The following ADGRL3 variants were observed in gnomAD, a reference collection of about 807,000 sequenced individuals.
ADGRL3 encodes the protein adhesion G protein-coupled receptor L3, also known as calcium-independent alpha-latrotoxin receptor 3.
A neutral mutation model predicts 153.5 loss-of-function variants in ADGRL3; 62 were observed. The observed-to-expected ratio is 0.40, with a 90% CI of 0.33 to 0.50. The LOEUF is 0.50. ADGRL3 is among the 20% of genes least tolerant of loss of function. ADGRL3 has a pLI of 0.47. For synonymous variants in ADGRL3, 710 were observed against 672.5 expected (o/e 1.06, Z -0.86); for missense variants, 1,641 against 1,859.4 (o/e 0.88, Z 2.16).
chr4:61,718,031 T>C (rs1158439621), intron 6 of ADGRL3, among the ~76,000 whole-genome samples: 1 of 151,620 alleles, frequency 6.6e-6, no homozygotes, highest in East Asian at 1.9e-4. Context: ...TGTCTCAAAA[T>C]AAATAAATAA....
intron 9 of ADGRL3, among the ~76,000 whole-genome samples, chr4:61,815,124 C>T (rs1580964302): frequency 6.6e-6 from 1 of 151,918 alleles, no homozygotes; most frequent in East Asian, 1.9e-4. Context: ...ATAAGCGAAT[C>T]CCATGAAAGG....
At chr4:61,900,503 G>A (rs535018354) in intron 11 of ADGRL3, among the ~76,000 whole-genome samples, 12 of 152,114 alleles carry the variant, frequency 7.9e-5, no homozygotes, top group South Asian at 4.1e-4. Flanking sequence ...AATTTGTTGC[G>A]AATAAACTAG....
At chr4:61,900,241 T>G (rs1362822795) in intron 11 of ADGRL3, among the ~76,000 whole-genome samples, 1 of 152,192 alleles carries the variant, frequency 6.6e-6, no homozygotes, top group Non-Finnish European at 1.5e-5. Context: ...TGCACCAAGT[T>G]GCTGACTTTA....
At chr4:61,789,429 A>G (rs1227108986) in intron 8 of ADGRL3, among the ~76,000 whole-genome samples, 3 of 152,184 alleles carry the variant, frequency 2.0e-5, no homozygotes, top group South Asian at 2.1e-4. Context: ...GAGTAAAGCA[A>G]TTGCTTTGAG....
intron 8 of ADGRL3, among the ~76,000 whole-genome samples, chr4:61,739,020 T>G (rs1338303870): frequency 2.0e-5 from 3 of 152,180 alleles, no homozygotes; most frequent in African/African-American, 7.2e-5. Flanking sequence ...CTGCATGATA[T>G]TAAATGTAAA....
At chr4:61,375,288 G>A (rs1261148338) in intron 1 of ADGRL3, among the ~76,000 whole-genome samples, 3 of 152,094 alleles carry the variant, frequency 2.0e-5, no homozygotes, top group Non-Finnish European at 2.9e-5. Flanking sequence ...TTACCATGAA[G>A]AGAAAGTACA....
chr4:61,775,802 C>A, intron 8 of ADGRL3: 1 of 760,850 alleles, frequency 1.3e-6, no homozygotes. Context: ...TCCTGTAAAG[C>A]AGTATTAACG....
intron 6 of ADGRL3, among the ~76,000 whole-genome samples, chr4:61,703,206 G>C (rs2095799278): frequency 6.6e-6 from 1 of 152,038 alleles, no homozygotes; most frequent in African/African-American, 2.4e-5. Flanking sequence ...AGTAATTATA[G>C]TATCTATCTT....
intron 6 of ADGRL3, among the ~76,000 whole-genome samples, chr4:61,681,413 A>G (rs1480402877): frequency 2.0e-5 from 3 of 152,072 alleles, no homozygotes; most frequent in Admixed American, 2.0e-4. Context: ...ACAATAAAGC[A>G]TATATTACTT....
intron 23 of ADGRL3, among the ~76,000 whole-genome samples, chr4:62,032,979 A>T (rs981148402): frequency 6.6e-6 from 1 of 151,742 alleles, no homozygotes; most frequent in Non-Finnish European, 1.5e-5. Flanking sequence ...CTATAACAGG[A>T]TATTTAAAAA....
intron 5 of ADGRL3, among the ~76,000 whole-genome samples, chr4:61,612,691 C>A (rs543200814): frequency 2.0e-5 from 3 of 152,146 alleles, no homozygotes; most frequent in African/African-American, 7.2e-5. Flanking sequence ...TTGCTAAAAC[C>A]AAAAGTGATG....
chr4:61,599,869 T>A, intron 5 of ADGRL3, among the ~76,000 whole-genome samples: 1 of 152,220 alleles, frequency 6.6e-6, no homozygotes, highest in African/African-American at 2.4e-5. Context: ...CAACAGCTTT[T>A]ACTCCAAGTT....
In ADGRL3 at chr4:61,877,594, A is replaced by T. The variant is rs139094551; in HGVS notation, c.1481-15062A>T. ...TTGCTAAGGCTGCCATAACAAAGTAACAGGCACTGGCTGGCTTAAACAACA... is the reference window on the plus strand; with the variant it reads ...TTGCTAAGGCTGCCATAACAAAGTATCAGGCACTGGCTGGCTTAAACAACA... On this transcript the variant is annotated intron_variant, in intron 9 of 26. Coordinates refer to ENST00000683033, the MANE Select transcript of ADGRL3 (RefSeq NM_001387552.1). Among the ~76,000 whole-genome samples the T allele has an allele frequency of 3.6e-3, 543 of 152,308 alleles. 5 individuals are homozygous for T. The highest frequency in any genetic ancestry group is 0.013 in the African/African-American group (521 of 41,578).
chr4:61,501,530 G>A (rs1416653353), intron 3 of ADGRL3, among the ~76,000 whole-genome samples: 1 of 152,104 alleles, frequency 6.6e-6, no homozygotes. Flanking sequence ...TCAAACCTCA[G>A]TATCTATGTT....
At chr4:61,996,921 C>T (rs2099123658) in intron 20 of ADGRL3, among the ~76,000 whole-genome samples, 1 of 152,054 alleles carries the variant, frequency 6.6e-6, no homozygotes, top group African/African-American at 2.4e-5. Flanking sequence ...AATGGATTAA[C>T]TTAATTTAGA....
At chr4:61,662,937 G>A (rs549309031) in intron 5 of ADGRL3, among the ~76,000 whole-genome samples, 191 of 152,012 alleles carry the variant, frequency 1.3e-3, no homozygotes, top group Non-Finnish European at 2.3e-3. Flanking sequence ...ACCCACTGTG[G>A]GTCTCCTCTC....
chr4:61,370,836 A>T (rs1401119753), intron 1 of ADGRL3, among the ~76,000 whole-genome samples: 1 of 152,128 alleles, frequency 6.6e-6, no homozygotes, highest in African/African-American at 2.4e-5. Flanking sequence ...GGGATGTTAA[A>T]GTCTCCCATT....
intron 2 of ADGRL3, among the ~76,000 whole-genome samples, chr4:61,436,518 T>A (rs746168887): frequency 1.3e-5 from 2 of 152,148 alleles, no homozygotes; most frequent in Non-Finnish European, 2.9e-5. Context: ...GTTACAGAAA[T>A]GTGATAGTTC....
chr4:61,895,643 AT>A, intron 10 of ADGRL3, 87 bp from the exon 11 acceptor site: 1 of 686,268 alleles, frequency 1.5e-6, no homozygotes, highest in South Asian at 2.0e-5. Context: ...TAATTATCTC[AT>A]TTTTACCTTT....
Sources: allele counts gnomAD v4.1 joint callset (sites outside exome capture counted in the v4.1 genomes callset), GRCh38; gene constraint gnomAD v4.1.1; transcripts MANE v1.5; gene names NCBI Gene and HGNC (gene_info 2026-07-23, HGNC 2026-07-21).